DPYD: variants seen among roughly 807,000 people sequenced by gnomAD.
DPYD encodes the protein dihydropyrimidine dehydrogenase [NADP(+)].
Under a neutral mutation model 116.2 loss-of-function variants are expected in DPYD, and 109 were observed. The observed-to-expected ratio is 0.94, with a 90% CI of 0.80 to 1.10. The LOEUF (loss-of-function observed/expected upper bound fraction) is 1.10, where lower values mean the gene tolerates loss of function less well. DPYD is among the 50% of genes least tolerant of loss of function. The pLI, the probability that DPYD is intolerant of heterozygous loss-of-function variation, is 0.00. For missense variants in DPYD, 1,302 were observed against 1,254.5 expected (o/e 1.04, Z -0.57); for synonymous variants, 440 against 432.0 (o/e 1.02, Z -0.23).
At chr1:97,474,326 A>G (rs1353666041) in intron 13 of DPYD, among the ~76,000 whole-genome samples, 1 of 152,154 alleles carries the variant, frequency 6.6e-6, no homozygotes, top group East Asian at 1.9e-4. Context: ...ATAGCCCATT[A>G]TACATACTCT....
intron 3 of DPYD, among the ~76,000 whole-genome samples, chr1:97,820,100 AG>A (rs1175128686): frequency 6.6e-6 from 1 of 152,144 alleles, no homozygotes; most frequent in Non-Finnish European, 1.5e-5. Flanking sequence ...TAGAAGTATC[AG>A]TTAAAGTATC....
At chr1:97,135,738 T>C (rs187075386) in intron 20 of DPYD, among the ~76,000 whole-genome samples, 1 of 152,312 alleles carries the variant, frequency 6.6e-6, no homozygotes. Flanking sequence ...CTATCCTCTA[T>C]ACTCACCCCA....
chr1:97,557,505 G>A (rs1037983633), intron 11 of DPYD, among the ~76,000 whole-genome samples: 2 of 151,670 alleles, frequency 1.3e-5, no homozygotes, highest in Admixed American at 6.6e-5. Context: ...TAGTAGGGAT[G>A]GGGTTTCAGC....
chr1:97,753,086 T>C (rs924697400), intron 3 of DPYD, among the ~76,000 whole-genome samples: 2 of 152,242 alleles, frequency 1.3e-5, no homozygotes, highest in Admixed American at 6.5e-5. Flanking sequence ...GGGGTTACTA[T>C]ATGCTAGCAC....
rs116670678 is a variant in DPYD at position 97,371,657 on chromosome 1, T to C, written c.2058+1904A>G. On this transcript the variant is annotated intron_variant, in intron 16 of 22. Transcript: ENST00000370192. ...TTCTGCCTTCCCTTTATTTAAAATA[T>C]GGAACATTCATGTGTCCTCAGGCAG... Among the ~76,000 whole-genome samples, 1,159 of 152,354 alleles carry C rather than the reference T, an allele frequency of 7.6e-3. 16 individuals are homozygous for C. Among genetic ancestry groups the C allele is most frequent in the African/African-American group, 0.027 (1,106 of 41,582 alleles).
At chr1:97,587,625 AC>A (rs1454581171) in intron 10 of DPYD, among the ~76,000 whole-genome samples, 1 of 151,938 alleles carries the variant, frequency 6.6e-6, no homozygotes, top group Admixed American at 6.6e-5. Context: ...GGAGATGGGG[AC>A]CCTCCTGGCT....
intron 20 of DPYD, among the ~76,000 whole-genome samples, chr1:97,173,197 T>C (rs183937874): frequency 1.4e-4 from 20 of 145,862 alleles, no homozygotes; most frequent in African/African-American, 4.5e-4. Flanking sequence ...TATGTGTATA[T>C]ATGTGTACAT....
chr1:97,181,826 A>G (rs1236759513), intron 20 of DPYD, among the ~76,000 whole-genome samples: 2 of 152,202 alleles, frequency 1.3e-5, no homozygotes, highest in Non-Finnish European at 2.9e-5. Context: ...TTATAATAAC[A>G]ACCACCATGT....
intron 16 of DPYD, among the ~76,000 whole-genome samples, chr1:97,360,740 T>C (rs1436064165): frequency 6.6e-6 from 1 of 152,168 alleles, no homozygotes; most frequent in African/African-American, 2.4e-5. Context: ...GAAATAAAGA[T>C]GTTCTTTGAA....
intron 18 of DPYD, among the ~76,000 whole-genome samples, chr1:97,286,938 C>A (rs1225835262): frequency 6.6e-6 from 1 of 152,232 alleles, no homozygotes; most frequent in South Asian, 2.1e-4. Context: ...TCATTCTCTG[C>A]CCAGCTTTGT....
chr1:97,450,024 C>T (rs913746904), intron 14 of DPYD, 35 bp downstream of exon 14: 11 of 1,612,846 alleles, frequency 6.8e-6, no homozygotes, highest in Non-Finnish European at 8.5e-6. Flanking sequence ...CAACTTATGC[C>T]AATTCTCTTG....
chr1:97,197,580 A>G (rs1418516378), intron 19 of DPYD, among the ~76,000 whole-genome samples: 1 of 152,200 alleles, frequency 6.6e-6, no homozygotes, highest in African/African-American at 2.4e-5. Flanking sequence ...AGAAGATACA[A>G]AAGCTATGAG....
chr1:97,179,375 G>C (rs553234428), intron 20 of DPYD, among the ~76,000 whole-genome samples: 7 of 152,284 alleles, frequency 4.6e-5, no homozygotes, highest in African/African-American at 1.7e-4. Context: ...TTGATAGCCT[G>C]ATGATGGGTG....
At chr1:97,638,454 C>G (rs1657693198) in intron 8 of DPYD, among the ~76,000 whole-genome samples, 1 of 152,028 alleles carries the variant, frequency 6.6e-6, no homozygotes, top group Non-Finnish European at 1.5e-5. Context: ...ACAAGCTTAC[C>G]AACTCTTTAT....
chr1:97,784,851 A>T (rs926737286), intron 3 of DPYD, among the ~76,000 whole-genome samples: 1 of 152,220 alleles, frequency 6.6e-6, no homozygotes, highest in Admixed American at 6.5e-5. Flanking sequence ...AGACACTAAC[A>T]AAGGTAGCCA....
chr1:97,528,611 C>A (rs1174723518), intron 12 of DPYD, among the ~76,000 whole-genome samples: 1 of 152,096 alleles, frequency 6.6e-6, no homozygotes, highest in Non-Finnish European at 1.5e-5. Flanking sequence ...CAAAAAATAA[C>A]TATTCCTCCC....
At chr1:97,834,321 A>G (rs958458986) in intron 2 of DPYD, among the ~76,000 whole-genome samples, 5 of 152,044 alleles carry the variant, frequency 3.3e-5, no homozygotes, top group Admixed American at 2.0e-4. Context: ...GGTGCTAGAT[A>G]GTATGCTAAT....
At chr1:97,262,036 T>C (rs1663921721) in intron 18 of DPYD, among the ~76,000 whole-genome samples, 1 of 151,992 alleles carries the variant, frequency 6.6e-6, no homozygotes, top group Non-Finnish European at 1.5e-5. Context: ...AAATATTACA[T>C]CCTTTGGGGA....
chr1:97,774,901 G>C (rs1481308772), intron 3 of DPYD: 3 of 265,682 alleles, frequency 1.1e-5, no homozygotes, highest in Non-Finnish European at 2.4e-5. Context: ...AAAACCTTTT[G>C]AATGTCCAAA....
Sources: allele counts gnomAD v4.1 joint callset (sites outside exome capture counted in the v4.1 genomes callset), GRCh38; gene constraint gnomAD v4.1.1; transcripts MANE v1.5; gene names NCBI Gene and HGNC (gene_info 2026-07-23, HGNC 2026-07-21).